The following LRP2 variants were observed in gnomAD, a reference collection of about 807,000 sequenced individuals.
LRP2 encodes low-density lipoprotein receptor-related protein 2.
In LRP2, 172 loss-of-function variants were observed where a neutral mutation model predicts 531.0. The ratio of observed to expected loss-of-function variants is 0.32; its 90% CI spans 0.29 to 0.37. The LOEUF (loss-of-function observed/expected upper bound fraction) is 0.37. Among genes scored for constraint, LRP2 ranks in the 10% least tolerant of loss-of-function variants. The pLI, the probability that LRP2 is intolerant of heterozygous loss-of-function variation, is 1.00. For missense variants in LRP2, 5,167 were observed against 5,868.3 expected, an observed-to-expected ratio of 0.88 and a Z score of 3.90; for synonymous variants, 1,992 against 2,027.6, an observed-to-expected ratio of 0.98 and a Z score of 0.47.
In LRP2 at chr2:169,279,460, T is replaced by C. The variant is rs751621311; in HGVS notation, c.1477A>G (p.Met493Val). The change falls in exon 12 of 79, where the codon ATG becomes GTG. Residue 493 changes from methionine (M) to valine (V), a missense_variant. Met to Val is a conservative substitution (Grantham distance 21). Transcript: ENST00000649046. ...CGATAGCTTCCATCCAAATTTACCATATCTATGCGGTTGACCTTGGTTTCC... is the reference window on the plus strand; with the variant it reads ...CGATAGCTTCCATCCAAATTTACCACATCTATGCGGTTGACCTTGGTTTCC... ...LVETKVNRID[M>V]VNLDGSYRVT... 3 of 1,614,068 alleles carry C rather than the reference T, an allele frequency of 1.9e-6. No individual in the cohort carries two copies. The highest frequency in any genetic ancestry group is 1.7e-5 in the Admixed American group (1 of 60,028).
chr2:169,150,828 A>C, intron 68 of LRP2, 70 bp downstream of exon 68: 2 of 1,597,018 alleles, frequency 1.3e-6, no homozygotes, highest in South Asian at 2.2e-5. Flanking sequence ...AAAAAATTAT[A>C]AGAAACATGG....
At chr2:169,169,885 G>A (rs1691824990) in intron 59 of LRP2, 67 bp from the exon 60 acceptor site, 1 of 1,078,488 alleles carries the variant, frequency 9.3e-7, no homozygotes, top group African/African-American at 1.6e-5. Flanking sequence ...GGTACCTGGA[G>A]TATAGTGGTT....
At chr2:169,350,526 C>T (rs186567680) in intron 1 of LRP2, among the ~76,000 whole-genome samples, 3 of 152,008 alleles carry the variant, frequency 2.0e-5, no homozygotes. Flanking sequence ...GAGTTTGAGA[C>T]CAGCCTGACC....
chr2:169,237,341 A>T, intron 27 of LRP2, 54 bp from the exon 28 acceptor site: 3 of 1,267,826 alleles, frequency 2.4e-6, no homozygotes, highest in Non-Finnish European at 3.4e-6. Flanking sequence ...ATGAATGCAA[A>T]CATGGATATT....
intron 16 of LRP2, among the ~76,000 whole-genome samples, chr2:169,264,422 T>G (rs1175626462): frequency 1.3e-5 from 2 of 151,944 alleles, no homozygotes; most frequent in African/African-American, 4.8e-5. Flanking sequence ...AATACTACCT[T>G]TTCCTGAGAA....
chr2:169,191,246 T>G (rs575592422), intron 48 of LRP2, among the ~76,000 whole-genome samples: 41 of 152,348 alleles, frequency 2.7e-4, no homozygotes, highest in Non-Finnish European at 4.6e-4. Context: ...TCACTCCACC[T>G]GCCTCTACTT....
chr2:169,318,836 T>C lies in LRP2; in HGVS notation c.236A>G (p.Gln79Arg), dbSNP rs778655445. 2 of 1,614,042 alleles carry C rather than the reference T, an allele frequency of 1.2e-6. No individual in the cohort carries two copies. Among genetic ancestry groups the C allele is most frequent in the Non-Finnish European group, 1.7e-6 (2 of 1,180,006 alleles). The change falls in exon 3 of 79, where the codon CAA (glutamine) becomes CGA (arginine). Residue 79 changes from glutamine (Q) to arginine (R), a missense_variant. Transcript: ENST00000649046. ...QGYFKCQSEG[Q>R]CIPNSWVCDQ... ...ACACACCCAGGAGTTGGGGATGCATTGTCCCTCACTCTGGCACTTGAAATA... is the reference window on the plus strand; with the variant it reads ...ACACACCCAGGAGTTGGGGATGCATCGTCCCTCACTCTGGCACTTGAAATA...
intron 3 of LRP2, among the ~76,000 whole-genome samples, chr2:169,309,693 T>A (rs1390861587): frequency 3.3e-5 from 5 of 152,120 alleles, no homozygotes; most frequent in South Asian, 2.1e-4. Context: ...CTTAGGATTG[T>A]CTTGGCAATG....
Position 169,238,242 on chromosome 2 carries a change from G to T in LRP2, c.4355C>A (p.Thr1452Asn), listed in dbSNP as rs749578017. 6.2e-7 allele frequency: 1 copy of T among 1,614,148 alleles called. No homozygotes were observed. The highest frequency in any genetic ancestry group is 1.7e-5 in the Admixed American group (1 of 60,026). The change falls in exon 27 of 79, where the codon ACC becomes AAC. Residue 1452 changes from threonine (T) to asparagine (N), a missense_variant. Physicochemically the swap from Thr to Asn is moderately conservative, Grantham distance 65 (BLOSUM62 0). Coordinates refer to ENST00000649046, the MANE Select transcript of LRP2 (RefSeq NM_004525.3). Reference protein sequence around the residue: ...SQNKIIADSVTSQVHNIYSLV... With the variant: ...SQNKIIADSVNSQVHNIYSLV... ...TGAATAGATATTGTGGACCTGGGAG[G>T]TGACACTGTCGGCAATAATTTTGTT... is the stretch of plus-strand genomic sequence containing the variant.
chr2:169,221,632 T>G (rs1160262070), intron 33 of LRP2, among the ~76,000 whole-genome samples: 4 of 152,248 alleles, frequency 2.6e-5, no homozygotes. Context: ...ATAGATTATT[T>G]GTGTTTCTCT....
At chr2:169,341,488 A>G (rs1328608970) in intron 1 of LRP2, among the ~76,000 whole-genome samples, 1 of 152,142 alleles carries the variant, frequency 6.6e-6, no homozygotes, top group Non-Finnish European at 1.5e-5. Context: ...ATTTTAAAAA[A>G]ATTTCATCAA....
chr2:169,282,876 A>C lies in LRP2; in HGVS notation c.1168T>G (p.Ser390Ala), dbSNP rs150477641. 3.7e-6 allele frequency: 6 copies of C among 1,613,816 alleles called. No homozygotes were observed. Among genetic ancestry groups the C allele is most frequent in the Non-Finnish European group, 5.1e-6 (6 of 1,179,808 alleles). ...CAGGTGTCCATAATTTACTCACAGG[A>C]ATCATTAGCTTTGCAATACTGTCCA... is the stretch of plus-strand genomic sequence containing the variant. ...ERGQYCKAND[S>A]FGEASIIFSN... is the part of the protein sequence containing the mutation. Residue 390 changes from serine (S) to alanine (A), a missense_variant, in exon 10 of 79, where the codon TCC (serine) becomes GCC (alanine). Physicochemically the swap from Ser to Ala is moderately conservative, Grantham distance 99. Transcript: ENST00000649046.
Position 169,320,865 on chromosome 2 carries a change from A to C in LRP2, c.99T>G (p.Phe33Leu). 1 of 1,613,766 alleles carries C rather than the reference A, an allele frequency of 6.2e-7. No homozygotes were observed. The highest frequency in any genetic ancestry group is 8.5e-7 in the Non-Finnish European group (1 of 1,179,622). ...GGATGCAATGCCCACTTCCACAGCGAAAATGCGCACTGTCACATTCTGCAA... is the reference window on the plus strand; with the variant it reads ...GGATGCAATGCCCACTTCCACAGCGCAAATGCGCACTGTCACATTCTGCAA... ...ASGQECDSAHFRCGSGHCIPA... is the reference protein window; with the variant it reads ...ASGQECDSAHLRCGSGHCIPA... Residue 33 changes from phenylalanine to leucine, a missense_variant, in exon 2 of 79, where the codon TTT becomes TTG. Phe to Leu is a conservative substitution (Grantham distance 22, BLOSUM62 0). Coordinates refer to ENST00000649046, the MANE Select transcript of LRP2 (RefSeq NM_004525.3).
At chr2:169,357,313 T>C (rs1350944251) in intron 1 of LRP2, among the ~76,000 whole-genome samples, 1 of 139,898 alleles carries the variant, frequency 7.1e-6, no homozygotes, top group Non-Finnish European at 1.5e-5. Context: ...TATTTTATTT[T>C]ATTTTATTTT....
intron 1 of LRP2, among the ~76,000 whole-genome samples, chr2:169,321,429 C>G (rs963947152): frequency 1.4e-5 from 2 of 147,288 alleles, no homozygotes; most frequent in African/African-American, 2.5e-5. Context: ...AAAACAAGGA[C>G]GTAAATTTTT....
chr2:169,245,834 AG>A (rs2105391798), intron 21 of LRP2, among the ~76,000 whole-genome samples: 1 of 152,258 alleles, frequency 6.6e-6, no homozygotes, highest in South Asian at 2.1e-4. Context: ...GCTAAATGTT[AG>A]GTCTACTTTA....
chr2:169,198,843 A>T lies in LRP2; in HGVS notation c.8521T>A (p.Leu2841Met). The part of the protein sequence containing the change: ...NSNICIPRVY[L>M]CDGDNDCGDN... ...CCACAGTCATTGTCTCCGTCACACAAATAAACGCGAGGAATACAAATATTT... is the reference window on the plus strand; with the variant it reads ...CCACAGTCATTGTCTCCGTCACACATATAAACGCGAGGAATACAAATATTT... Residue 2841 changes from leucine to methionine, a missense_variant, in exon 45 of 79, where the codon TTG becomes ATG. This residue lies in a region of LRP2 where 1,129 missense variants were observed against 1,362.7 expected (regional missense o/e 0.83). Coordinates refer to ENST00000649046, the MANE Select transcript of LRP2 (RefSeq NM_004525.3). 6.2e-7 allele frequency: 1 copy of T among 1,614,034 alleles called. No homozygotes were observed. Among genetic ancestry groups the T allele is most frequent in the East Asian group, 2.2e-5 (1 of 44,866 alleles).
chr2:169,287,642 A>T (rs1683892377), intron 9 of LRP2, among the ~76,000 whole-genome samples: 1 of 104,306 alleles, frequency 9.6e-6, no homozygotes, highest in South Asian at 3.8e-4. Context: ...CTTCCGCTGA[A>T]GAATAATAAT....
At chr2:169,163,974 A>C (rs546107337) in intron 62 of LRP2, among the ~76,000 whole-genome samples, 1 of 152,294 alleles carries the variant, frequency 6.6e-6, no homozygotes, top group African/African-American at 2.4e-5. Flanking sequence ...GACCTTTACA[A>C]TGTCTGCCCA....
Sources: gnomAD v4.1 joint callset for allele counts (sites outside exome capture counted in the v4.1 genomes callset) on GRCh38, gnomAD v4.1.1 for gene constraint, gnomAD v4.1.1 regional missense constraint, MANE v1.5 for transcripts, NCBI Gene and HGNC (gene_info 2026-07-23, HGNC 2026-07-21) for gene names.